DONSON: variants seen among roughly 807,000 people sequenced by gnomAD.
The protein encoded by DONSON is DNA replication fork stabilization factor DONSON.
DONSON carries 43 observed loss-of-function variants against 62.1 expected under a neutral mutation model. That is an observed-to-expected ratio of 0.69 (90% CI 0.54 to 0.89). DONSON has a LOEUF of 0.89. Among genes scored for constraint, DONSON ranks in the 40% least tolerant of loss-of-function variants. The probability of loss-of-function intolerance (pLI) is 0.00; values close to 1 mark genes in which losing one functional copy is unlikely to be tolerated. For missense variants in DONSON, 696 were observed against 697.5 expected, an observed-to-expected ratio of 1.00 and a Z score of 0.03; for synonymous variants, 266 against 264.6, an observed-to-expected ratio of 1.01 and a Z score of -0.05.
chr21:33,583,742 T>G (rs2086544514), intron 4 of DONSON, 76 bp from the exon 5 acceptor site: 5 of 1,164,610 alleles, frequency 4.3e-6, no homozygotes, highest in Admixed American at 4.9e-5. Flanking sequence ...TAATTCAGTT[T>G]GATACCTGGT....
intron 9 of DONSON, among the ~76,000 whole-genome samples, chr21:33,578,916 C>T (rs71326957): frequency 6.6e-6 from 1 of 152,108 alleles, no homozygotes; most frequent in Non-Finnish European, 1.5e-5. Context: ...GTGGGCAGAT[C>T]ACCTGAAGTC....
intron 8 of DONSON, among the ~76,000 whole-genome samples, chr21:33,579,780 A>T (rs1443531799): frequency 6.6e-6 from 1 of 152,246 alleles, no homozygotes; most frequent in Non-Finnish European, 1.5e-5. Context: ...GGTGAAGTAT[A>T]TTCCAGAGAA....
At chr21:33,584,869 T>C (rs1485853332) in intron 3 of DONSON, 101 bp from the exon 4 acceptor site, 1 of 964,878 alleles carries the variant, frequency 1.0e-6, no homozygotes, top group Non-Finnish European at 1.4e-6. Flanking sequence ...AGAATCTTTA[T>C]TGCTTTCTAT....
chr21:33,585,260 A>T (rs146200801), intron 3 of DONSON, among the ~76,000 whole-genome samples: 78 of 152,234 alleles, frequency 5.1e-4, no homozygotes, highest in African/African-American at 1.9e-3. Context: ...TCACTCTGTC[A>T]CTGAGGCTAG....
At chr21:33,580,243 A>G (rs200964096) in intron 8 of DONSON, among the ~76,000 whole-genome samples, 1 of 72,554 alleles carries the variant, frequency 1.4e-5, no homozygotes, top group Admixed American at 1.4e-4. Flanking sequence ...TAGATAGATG[A>G]ATGAATGAAT....
Position 33,577,694 on chromosome 21 carries a change from CA to C in DONSON, c.*612del, listed in dbSNP as rs1180715132. On this transcript the variant is annotated 3_prime_UTR_variant, in exon 10 of 10. Transcript: ENST00000303071. ...ACACACACACACACACACACACACA[CA>C]CACACACCCCTATAAGCACATTAAA... 6.3e-5 allele frequency: 8 copies of C among 126,004 alleles called. No homozygotes were observed. The highest frequency in any genetic ancestry group is 6.6e-5 in the African/African-American group (2 of 30,486). The allele number at this position is 126,004 out of a possible 1,614,324, so 7.8% of individuals were successfully genotyped here. A position where few individuals can be genotyped will look rare whatever the true frequency, so the allele number is the denominator to read the frequency against.
intron 9 of DONSON, 32 bp downstream of exon 9, chr21:33,579,318 C>T: frequency 6.8e-7 from 1 of 1,470,960 alleles, no homozygotes; most frequent in African/African-American, 1.4e-5. Context: ...GAAACTACAA[C>T]TAAAACAGTC....
intron 8 of DONSON, among the ~76,000 whole-genome samples, chr21:33,580,213 A>G (rs2086489388): frequency 6.6e-6 from 1 of 150,706 alleles, no homozygotes; most frequent in African/African-American, 2.4e-5. Context: ...TGGGTGACAG[A>G]GCAAGACTCC....
chr21:33,583,531 T>C lies in DONSON; in HGVS notation c.921A>G (p.Ile307Met), dbSNP rs762575148. 5 of 1,614,024 alleles carry C rather than the reference T, an allele frequency of 3.1e-6. No homozygotes were observed. Among genetic ancestry groups the C allele is most frequent in the Non-Finnish European group, 4.2e-6 (5 of 1,179,978 alleles). Residue 307 changes from isoleucine to methionine, a missense_variant, in exon 5 of 10, where the codon ATA becomes ATG. By Grantham distance (10) the Ile-to-Met change is conservative. Coordinates refer to ENST00000303071, the MANE Select transcript of DONSON (RefSeq NM_017613.4). ...CTCTTAAACCTCGAGTTGTTGGAGA[T>C]ATGAGAGCTGTGATTAAGTCACTTC... is the stretch of plus-strand genomic sequence containing the variant. ...LAGSDLITAL[I>M]SPTTRGLREA... is the part of the protein sequence containing the mutation.
intron 7 of DONSON, 24 bp downstream of exon 7, chr21:33,581,927 A>C (rs372940330): frequency 1.3e-5 from 20 of 1,594,296 alleles, no homozygotes; most frequent in Non-Finnish European, 1.7e-5. Context: ...AATTAATTCT[A>C]GTTAACAACA....
In DONSON at chr21:33,588,658, G is replaced by A. The variant is rs1349337856; in HGVS notation, c.-17C>T. The A allele has an allele frequency of 1.5e-5, 19 of 1,230,310 alleles. No individual in the cohort carries two copies. The highest frequency in any genetic ancestry group is 1.7e-5 in the Non-Finnish European group (17 of 986,062). 76.2% of individuals were successfully genotyped at this position (1,230,310 alleles called of 1,614,324 possible). ...AAGGGCCATGACGCGCGGCGGCTGAGGGTAGCCGGCCGCCCTACAGAGACT... is the reference window on the plus strand; with the variant it reads ...AAGGGCCATGACGCGCGGCGGCTGAAGGTAGCCGGCCGCCCTACAGAGACT... On this transcript the variant is annotated 5_prime_UTR_variant, in exon 1 of 10. Coordinates refer to ENST00000303071, the MANE Select transcript of DONSON (RefSeq NM_017613.4).
intron 2 of DONSON, chr21:33,587,204 A>T: frequency 3.8e-6 from 1 of 262,646 alleles, no homozygotes; most frequent in Non-Finnish European, 5.9e-6. Context: ...GCTGGCTCTG[A>T]GTGATGAACT....
chr21:33,587,405 T>C, intron 2 of DONSON, 117 bp downstream of exon 2: 1 of 1,408,662 alleles, frequency 7.1e-7, no homozygotes, highest in Non-Finnish European at 9.2e-7. Context: ...TCTGTAAAAC[T>C]ACTTTCCAAG....
intron 4 of DONSON, among the ~76,000 whole-genome samples, chr21:33,584,019 T>C (rs1178019094): frequency 2.6e-5 from 1 of 39,026 alleles, no homozygotes; most frequent in Admixed American, 2.9e-4. Context: ...CGTGTTTATA[T>C]ATATATATAT....
At chr21:33,578,548 T>C in intron 9 of DONSON, 104 bp from the exon 10 acceptor site, 1 of 1,215,826 alleles carries the variant, frequency 8.2e-7, no homozygotes, top group Non-Finnish European at 1.1e-6. Flanking sequence ...CTGATTAATG[T>C]GATTCATCCT....
rs759408217 is a variant in DONSON at position 33,582,217 on chromosome 21, C to T, written c.994G>A (p.Glu332Lys). Reference sequence around the variant, plus strand: ...GCTGTCTCCTTCTTATGGCCACTTTCTTTTATTAAAGGCAGAGAAAATTCA... The same window carrying T: ...GCTGTCTCCTTCTTATGGCCACTTTTTTTTATTAAAGGCAGAGAAAATTCA... ...GIEFSLPLIK[E>K]SGHKKETASG... Residue 332 changes from glutamate (E) to lysine (K), a missense_variant, in exon 6 of 10, where the codon GAA becomes AAA. Glu to Lys is a moderately conservative substitution (Grantham distance 56). Transcript: ENST00000303071. 4 of 1,613,858 alleles carry T rather than the reference C, an allele frequency of 2.5e-6. No individual in the cohort carries two copies. The highest frequency in any genetic ancestry group is 3.3e-5 in the Admixed American group (2 of 59,994).
chr21:33,578,481 T>G (rs757669851), intron 9 of DONSON, 37 bp from the exon 10 acceptor site: 4 of 1,582,714 alleles, frequency 2.5e-6, no homozygotes, highest in Non-Finnish European at 2.6e-6. Context: ...AAAAAGCACA[T>G]TAGTCTTTAA....
At chr21:33,584,017 TA>T (rs2086548042) in intron 4 of DONSON, among the ~76,000 whole-genome samples, 1 of 24,774 alleles carries the variant, frequency 4.0e-5, no homozygotes, top group Admixed American at 4.3e-4. Context: ...TGCGTGTTTA[TA>T]TATATATATA....
chr21:33,579,400 G>A lies in DONSON; in HGVS notation c.1513C>T (p.Pro505Ser). ...AGGCAGATGTTAAATACAGCAGTTGGCTCGTGTGGATACAGTACTGCAGAG... is the reference window on the plus strand; with the variant it reads ...AGGCAGATGTTAAATACAGCAGTTGACTCGTGTGGATACAGTACTGCAGAG... ...SFSAVLYPHEPTAVFNICLQM... is the reference protein window; with the variant it reads ...SFSAVLYPHESTAVFNICLQM... Residue 505 changes from proline (P) to serine (S), a missense_variant, in exon 9 of 10, where the codon CCA becomes TCA. Coordinates refer to ENST00000303071, the MANE Select transcript of DONSON (RefSeq NM_017613.4). 1 of 1,612,692 alleles carries A rather than the reference G, an allele frequency of 6.2e-7. No homozygotes were observed. Among genetic ancestry groups the A allele is most frequent in the South Asian group, 1.1e-5 (1 of 90,974 alleles).
Sources: gnomAD v4.1 joint callset for allele counts (sites outside exome capture counted in the v4.1 genomes callset) on GRCh38, gnomAD v4.1.1 for gene constraint, MANE v1.5 for transcripts, NCBI Gene and HGNC (gene_info 2026-07-23, HGNC 2026-07-21) for gene names.